The following NR3C2 variants were observed in gnomAD, a reference collection of about 807,000 sequenced individuals.
NR3C2 encodes the protein nuclear receptor subfamily 3 group C member 2, also known as mineralocorticoid receptor.
In NR3C2, 15 loss-of-function variants were observed where a neutral mutation model predicts 86.4. The ratio of observed to expected loss-of-function variants is 0.17; its 90% CI spans 0.12 to 0.27. The LOEUF (loss-of-function observed/expected upper bound fraction) is 0.27, where lower values mean the gene tolerates loss of function less well. NR3C2 is among the 10% of genes least tolerant of loss of function. The probability of loss-of-function intolerance (pLI) is 1.00; values close to 1 mark genes in which losing one functional copy is unlikely to be tolerated. For synonymous variants in NR3C2, 458 were observed against 450.5 expected, an observed-to-expected ratio of 1.02 and a Z score of -0.21; for missense variants, 960 against 1,195.6, an observed-to-expected ratio of 0.80 and a Z score of 2.91.
At chr4:148,158,601 T>C (rs1214829141) in intron 4 of NR3C2, among the ~76,000 whole-genome samples, 1 of 152,234 alleles carries the variant, frequency 6.6e-6, no homozygotes, top group African/African-American at 2.4e-5. Flanking sequence ...CATCTGACGA[T>C]AACCATGATT....
At chr4:148,326,214 C>T (rs1743960644) in intron 2 of NR3C2, among the ~76,000 whole-genome samples, 2 of 141,936 alleles carry the variant, frequency 1.4e-5, no homozygotes, top group South Asian at 2.3e-4. Flanking sequence ...CATGGTGAAA[C>T]TCTATCTCTA....
At chr4:148,187,035 TATATATATAA>T (rs1432118952) in intron 4 of NR3C2, among the ~76,000 whole-genome samples, 8 of 131,236 alleles carry the variant, frequency 6.1e-5, no homozygotes, top group Non-Finnish European at 1.0e-4. Flanking sequence ...TATATATATA[TATATATATAA>T]AGAAACTGTG....
intron 3 of NR3C2, among the ~76,000 whole-genome samples, chr4:148,244,345 T>C (rs1739215763): frequency 6.6e-6 from 1 of 152,202 alleles, no homozygotes. Flanking sequence ...TAAACTTCAA[T>C]TTAAAATTGT....
At chr4:148,397,322 G>A (rs61756944) in intron 2 of NR3C2, among the ~76,000 whole-genome samples, 384 of 152,330 alleles carry the variant, frequency 2.5e-3, no homozygotes, top group Admixed American at 4.7e-3. Context: ...TCCTTTCATC[G>A]TGGCTGACTG....
At chr4:148,129,094 A>G (rs1471107731) in intron 6 of NR3C2, among the ~76,000 whole-genome samples, 1 of 152,224 alleles carries the variant, frequency 6.6e-6, no homozygotes, top group African/African-American at 2.4e-5. Flanking sequence ...TAGCAGCATT[A>G]TTCACAATAG....
intron 2 of NR3C2, among the ~76,000 whole-genome samples, chr4:148,311,661 C>T (rs1190206750): frequency 1.3e-5 from 2 of 152,170 alleles, no homozygotes; most frequent in Non-Finnish European, 2.9e-5. Context: ...AGATGCCATT[C>T]ATTTGCTCAA....
At chr4:148,176,125 AAGTC>A (rs1444001943) in intron 4 of NR3C2, among the ~76,000 whole-genome samples, 1 of 152,240 alleles carries the variant, frequency 6.6e-6, no homozygotes, top group East Asian at 1.9e-4. Context: ...AGATGAAAGA[AAGTC>A]AGCTGCTAGA....
At chr4:148,385,257 G>A (rs1747203827) in intron 2 of NR3C2, among the ~76,000 whole-genome samples, 1 of 152,192 alleles carries the variant, frequency 6.6e-6, no homozygotes, top group Non-Finnish European at 1.5e-5. Flanking sequence ...TATGCATCAT[G>A]TAGGTCATCT....
chr4:148,345,311 C>G (rs1286585598), intron 2 of NR3C2, among the ~76,000 whole-genome samples: 1 of 151,688 alleles, frequency 6.6e-6, no homozygotes, highest in Non-Finnish European at 1.5e-5. Flanking sequence ...TATATAAACA[C>G]AGACCCATGT....
intron 8 of NR3C2, among the ~76,000 whole-genome samples, chr4:148,087,134 A>C (rs980325175): frequency 2.6e-5 from 4 of 152,192 alleles, no homozygotes; most frequent in African/African-American, 7.2e-5. Context: ...ATAATAGACA[A>C]ACAGCCAAAT....
chr4:148,169,989 C>T (rs188459951), intron 4 of NR3C2, among the ~76,000 whole-genome samples: 1 of 152,240 alleles, frequency 6.6e-6, no homozygotes, highest in East Asian at 1.9e-4. Context: ...TATTTGTTAA[C>T]AGGAAGGAAG....
At chr4:148,328,250 T>C (rs995199541) in intron 2 of NR3C2, among the ~76,000 whole-genome samples, 2 of 152,108 alleles carry the variant, frequency 1.3e-5, no homozygotes, top group Admixed American at 6.5e-5. Context: ...CTGCAGATTC[T>C]ATTTCCCAAT....
chr4:148,111,358 C>T (rs1177188393), intron 8 of NR3C2, among the ~76,000 whole-genome samples: 1 of 152,198 alleles, frequency 6.6e-6, no homozygotes, highest in Non-Finnish European at 1.5e-5. Flanking sequence ...GCAATCTGAA[C>T]CTCATATGCT....
chr4:148,129,912 G>A (rs1732938747), intron 6 of NR3C2, among the ~76,000 whole-genome samples: 2 of 152,126 alleles, frequency 1.3e-5, no homozygotes, highest in Non-Finnish European at 1.5e-5. Flanking sequence ...CTTTGAGATC[G>A]ATTAAGAAAC....
intron 2 of NR3C2, among the ~76,000 whole-genome samples, chr4:148,318,308 C>T (rs1743334373): frequency 6.6e-6 from 1 of 151,766 alleles, no homozygotes; most frequent in Non-Finnish European, 1.5e-5. Context: ...CAAGTCTTTG[C>T]TATTGTGAAT....
At chr4:148,150,725 A>G (rs1183315990) in intron 6 of NR3C2, among the ~76,000 whole-genome samples, 1 of 152,218 alleles carries the variant, frequency 6.6e-6, no homozygotes, top group Non-Finnish European at 1.5e-5. Flanking sequence ...TCCTGTGAGT[A>G]TTGACTTTGA....
chr4:148,265,287 C>T (rs1175948645), intron 2 of NR3C2, among the ~76,000 whole-genome samples: 1 of 152,042 alleles, frequency 6.6e-6, no homozygotes, highest in South Asian at 2.1e-4. Context: ...ATTTTGGTGA[C>T]AGTCAGGAGG....
At chr4:148,211,837 G>A (rs753748486) in intron 3 of NR3C2, among the ~76,000 whole-genome samples, 9 of 152,148 alleles carry the variant, frequency 5.9e-5, no homozygotes, top group Admixed American at 1.3e-4. Flanking sequence ...TTTTCTGGTG[G>A]ACTTAGTTTT....
chr4:148,271,770 AATT>A (rs1740698143), intron 2 of NR3C2, among the ~76,000 whole-genome samples: 1 of 152,138 alleles, frequency 6.6e-6, no homozygotes, highest in Non-Finnish European at 1.5e-5. Flanking sequence ...CAGATATTAA[AATT>A]ATTTAAACAT....
Sources: allele counts gnomAD v4.1 joint callset (sites outside exome capture counted in the v4.1 genomes callset), GRCh38; gene constraint gnomAD v4.1.1; transcripts MANE v1.5; gene names NCBI Gene and HGNC (gene_info 2026-07-23, HGNC 2026-07-21).